The following CALCB variants were observed in gnomAD, a reference collection of about 807,000 sequenced individuals.
CALCB encodes the protein calcitonin gene-related peptide 2.
Under a neutral mutation model 10.7 loss-of-function variants are expected in CALCB, and 8 were observed. That is an observed-to-expected ratio of 0.75 (90% CI 0.44 to 1.34). CALCB has a LOEUF of 1.34. CALCB is among the 40% of genes most tolerant of loss of function. The probability of loss-of-function intolerance (pLI) is 0.01; values close to 1 mark genes in which losing one functional copy is unlikely to be tolerated. For missense variants in CALCB, 176 were observed against 162.5 expected (o/e 1.08, Z -0.45); for synonymous variants, 76 against 66.9 (o/e 1.14, Z -0.66).
At chr11:15,077,217 C>G in intron 3 of CALCB, 69 bp from the exon 4 acceptor site, 10 of 1,557,306 alleles carry the variant, frequency 6.4e-6, no homozygotes, top group Non-Finnish European at 8.8e-6. Flanking sequence ...TTGCAGTTCT[C>G]TTCATGAAGG....
intron 3 of CALCB, 100 bp downstream of exon 3, chr11:15,075,298 C>T: frequency 1.3e-6 from 2 of 1,578,642 alleles, no homozygotes; most frequent in Non-Finnish European, 1.7e-6. Flanking sequence ...GGCAAGGGGT[C>T]CAGCAAGCTG....
intron 3 of CALCB, among the ~76,000 whole-genome samples, chr11:15,076,382 C>T (rs1262488409): frequency 6.6e-6 from 1 of 152,194 alleles, no homozygotes; most frequent in African/African-American, 2.4e-5. Flanking sequence ...TCTCTCAACT[C>T]TCCTGATTCC....
At chr11:15,074,503 C>G (rs1850375902) in intron 1 of CALCB, among the ~76,000 whole-genome samples, 1 of 152,210 alleles carries the variant, frequency 6.6e-6, no homozygotes, top group African/African-American at 2.4e-5. Context: ...CCACCCTTCC[C>G]CTAGGACACC....
Position 15,077,312 on chromosome 11 carries a change from A to G in CALCB, c.251A>G (p.Asn84Ser). The change falls in exon 4 of 5, where the codon AAC becomes AGC. Residue 84 changes from asparagine (N) to serine (S), a missense_variant. Coordinates refer to ENST00000324229, the MANE Select transcript of CALCB (RefSeq NM_000728.4). ...TCCGCTGCCCAGAAGAGAGCCTGCA[A>G]CACTGCCACCTGTGTGACTCATCGG... The part of the protein sequence containing the change: ...SSSAAQKRAC[N>S]TATCVTHRLA... The G allele has an allele frequency of 2.5e-6, 4 of 1,614,190 alleles. No homozygotes were observed. In the Admixed American group the frequency reaches 6.7e-5, roughly 27 times the overall value.
At chr11:15,075,798 AC>A (rs1450980452) in intron 3 of CALCB, among the ~76,000 whole-genome samples, 4 of 152,046 alleles carry the variant, frequency 2.6e-5, no homozygotes, top group Non-Finnish European at 5.9e-5. Context: ...CAGGGAGAGC[AC>A]CGTTTCCCAG....
intron 4 of CALCB, 101 bp downstream of exon 4, chr11:15,077,571 G>A (rs1850407810): frequency 2.5e-6 from 3 of 1,200,694 alleles, no homozygotes; most frequent in East Asian, 2.6e-5. Context: ...GGTTCCTTCT[G>A]TCCAGTTACA....
At position 15,078,603 on chromosome 11, in the gene CALCB, T is replaced by G. The variant is rs1850416477; in HGVS notation, c.*546T>G. On this transcript the variant is annotated 3_prime_UTR_variant, in exon 5 of 5. Coordinates refer to ENST00000324229, the MANE Select transcript of CALCB (RefSeq NM_000728.4). ...TCTTATGTAATAATAATGATGATGA[T>G]GATGATAATAATAAATATTTTTGAG... is the stretch of plus-strand genomic sequence containing the variant. 1 of 152,232 alleles carries G rather than the reference T, an allele frequency of 6.6e-6. No homozygotes were observed. The highest frequency in any genetic ancestry group is 1.5e-5 in the Non-Finnish European group (1 of 68,042). 9.4% of individuals were successfully genotyped at this position (152,232 alleles called of 1,614,324 possible). A position where few individuals can be genotyped will look rare whatever the true frequency, so the allele number is the denominator to read the frequency against.
In CALCB at chr11:15,074,742, C is replaced by G. The variant is rs1273177759; in HGVS notation, c.24C>G (p.Pro8=). The change falls in exon 2 of 5, where the codon CCC becomes CCG. Residue 8 remains proline (P), a synonymous_variant. Transcript: ENST00000324229. MGFRKFS[P]FLALSILVLY... is the part of the protein sequence containing the mutation. ...GCATGGGTTTCCGGAAGTTCTCCCC[C>G]TTCCTGGCTCTCAGTATCTTGGTCC... is the stretch of plus-strand genomic sequence containing the variant. 19 of 1,614,058 alleles carry G rather than the reference C, an allele frequency of 1.2e-5. No homozygotes were observed. The highest frequency in any genetic ancestry group is 1.4e-5 in the Non-Finnish European group (16 of 1,180,026).
chr11:15,074,700 T>C lies in CALCB; in HGVS notation c.-9-10T>C, dbSNP rs1473402712. 6.2e-7 allele frequency: 1 copy of C among 1,607,260 alleles called. No individual in the cohort carries two copies. Among genetic ancestry groups the C allele is most frequent in the Non-Finnish European group, 8.5e-7 (1 of 1,174,328 alleles). On this transcript the variant is annotated splice_polypyrimidine_tract_variant and intron_variant, in intron 1 of 4. Transcript: ENST00000324229. ...GCTGGTGCAGTAGTAACGTCATCCT[T>C]CCTTTACAGAGAGGCGGCATGGGTT...
rs150222438 is a variant in CALCB, at chr11:15,075,187, A to C, written c.213A>C (p.Thr71=). 957 of 1,614,152 alleles carry C rather than the reference A, an allele frequency of 5.9e-4. 8 individuals are homozygous for C. In the African/African-American group the frequency reaches 9.4e-3, roughly 16 times the overall value. ...GTGAGCTGAAGCAGGAGCAGGAGAC[A>C]CAGGGCTCCAGGTGAGGTTCCCCAA... ...KASELKQEQE[T]QGSSSAAQKR... is the part of the protein sequence containing the mutation. Residue 71 remains threonine, a synonymous_variant, in exon 3 of 5, where the codon ACA becomes ACC. Coordinates refer to ENST00000324229, the MANE Select transcript of CALCB (RefSeq NM_000728.4).
Position 15,077,489 on chromosome 11 carries a change from T to A in CALCB, c.*25+19T>A, listed in dbSNP as rs770414596. 1.9e-6 allele frequency: 3 copies of A among 1,609,946 alleles called. No individual in the cohort carries two copies. In the African/African-American group the frequency reaches 4.0e-5, roughly 22 times the overall value. On this transcript the variant is annotated intron_variant, in intron 4 of 4. Coordinates refer to ENST00000324229, the MANE Select transcript of CALCB (RefSeq NM_000728.4). ...GAAGAAGGTAACTACCCTAATGCTA[T>A]GGGATAAGAGGGGGAAGGGACTTGG...
chr11:15,074,514 TTTTTCCG>T (rs2133640082), intron 1 of CALCB, among the ~76,000 whole-genome samples, 189 bp from the exon 2 acceptor site: 1 of 152,232 alleles, frequency 6.6e-6, no homozygotes, highest in East Asian at 1.9e-4. Flanking sequence ...CTAGGACACC[TTTTTCCG>T]CTCTATCAAG....
chr11:15,074,993 G>T, intron 2 of CALCB, 68 bp from the exon 3 acceptor site: 2 of 1,581,040 alleles, frequency 1.3e-6, no homozygotes, highest in South Asian at 2.2e-5. Flanking sequence ...CAGGAAGCCT[G>T]GCTGCCTATC....
chr11:15,077,292 T>C lies in CALCB; in HGVS notation c.231T>C (p.Ala77=). The C allele has an allele frequency of 6.2e-7, 1 of 1,613,866 alleles. No individual in the cohort carries two copies. The highest frequency in any genetic ancestry group is 8.5e-7 in the Non-Finnish European group (1 of 1,179,894). ...TCTCTATCTTGCAAATCAGCTCCGCTGCCCAGAAGAGAGCCTGCAACACTG... is the reference window on the plus strand; with the variant it reads ...TCTCTATCTTGCAAATCAGCTCCGCCGCCCAGAAGAGAGCCTGCAACACTG... The part of the protein sequence containing the change: ...QEQETQGSSS[A]AQKRACNTAT... Residue 77 remains alanine, a synonymous_variant, in exon 4 of 5, where the codon GCT becomes GCC. Transcript: ENST00000324229.
At position 15,074,741 on chromosome 11, in the gene CALCB, C is replaced by T. The variant is rs529327624; in HGVS notation, c.23C>T (p.Pro8Leu). MGFRKFS[P>L]FLALSILVLY... ...GGCATGGGTTTCCGGAAGTTCTCCC[C>T]CTTCCTGGCTCTCAGTATCTTGGTC... is the stretch of plus-strand genomic sequence containing the variant. The change falls in exon 2 of 5, where the codon CCC becomes CTC. Residue 8 changes from proline (P) to leucine (L), a missense_variant. Pro to Leu is a moderately conservative substitution (Grantham distance 98, BLOSUM62 -3). Transcript: ENST00000324229. 2.1e-5 allele frequency: 34 copies of T among 1,614,174 alleles called. No individual in the cohort carries two copies. The highest frequency in any genetic ancestry group is 2.7e-5 in the African/African-American group (2 of 75,062).
rs372815579 is a variant in CALCB, at chr11:15,075,138, A to C, written c.164A>C (p.Gln55Pro). Residue 55 changes from glutamine (Q) to proline (P), a missense_variant, in exon 3 of 5, where the codon CAG becomes CCG. By Grantham distance (76) the Gln-to-Pro change is moderately conservative. Coordinates refer to ENST00000324229, the MANE Select transcript of CALCB (RefSeq NM_000728.4). ...DARLLLAALV[Q>P]DYVQMKASEL... is the part of the protein sequence containing the mutation. ...CGCCTCCTGCTGGCTGCACTGGTGC[A>C]GGACTATGTGCAGATGAAGGCCAGT... The C allele has an allele frequency of 1.2e-6, 2 of 1,614,210 alleles. No individual in the cohort carries two copies. The highest frequency in any genetic ancestry group is 3.3e-5 in the Admixed American group (2 of 60,018).
Position 15,075,188 on chromosome 11 carries a change from C to A in CALCB, c.214C>A (p.Gln72Lys), listed in dbSNP as rs201844256. Reference protein sequence around the residue: ...ASELKQEQETQGSSSAAQKRA... With the variant: ...ASELKQEQETKGSSSAAQKRA... ...TGAGCTGAAGCAGGAGCAGGAGACA[C>A]AGGGCTCCAGGTGAGGTTCCCCAAG... Residue 72 changes from glutamine to lysine, a missense_variant, in exon 3 of 5, where the codon CAG becomes AAG. By Grantham distance (53) the Gln-to-Lys change is moderately conservative. Transcript: ENST00000324229. The A allele has an allele frequency of 2.1e-4, 347 of 1,614,130 alleles. No homozygotes were observed. The highest frequency in any genetic ancestry group is 3.3e-4 in the Middle Eastern group (2 of 6,040).
Position 15,077,376 on chromosome 11 carries a change from G to C in CALCB, c.315G>C (p.Lys105Asn), listed in dbSNP as rs1185651072. ...TGAGCAGATCAGGGGGCATGGTGAA[G>C]AGCAACTTCGTGCCCACCAATGTGG... ...GLLSRSGGMV[K>N]SNFVPTNVGS... is the part of the protein sequence containing the mutation. Residue 105 changes from lysine (K) to asparagine (N), a missense_variant, in exon 4 of 5, where the codon AAG becomes AAC. Transcript: ENST00000324229. 1.2e-6 allele frequency: 2 copies of C among 1,614,144 alleles called. No individual in the cohort carries two copies. The highest frequency in any genetic ancestry group is 1.7e-6 in the Non-Finnish European group (2 of 1,180,058).
intron 3 of CALCB, among the ~76,000 whole-genome samples, 170 bp from the exon 4 acceptor site, chr11:15,077,116 C>T (rs1426579995): frequency 1.3e-5 from 2 of 152,184 alleles, no homozygotes; most frequent in Non-Finnish European, 2.9e-5. Flanking sequence ...TTGGGCAGAG[C>T]TCCTGGTGAA....
Sources: allele counts gnomAD v4.1 joint callset (sites outside exome capture counted in the v4.1 genomes callset), GRCh38; gene constraint gnomAD v4.1.1; transcripts MANE v1.5; gene names NCBI Gene and HGNC (gene_info 2026-07-23, HGNC 2026-07-21).